Variants in DCLRE1B observed in about 807,000 individuals in gnomAD.
DCLRE1B encodes the protein DNA cross-link repair 1B, also known as 5' exonuclease Apollo.
Under a neutral mutation model 19.8 loss-of-function variants are expected in DCLRE1B, and 6 were observed. That is an observed-to-expected ratio of 0.30 (90% CI 0.17 to 0.60). DCLRE1B has a LOEUF of 0.60. DCLRE1B is among the 20% of genes least tolerant of loss of function. The pLI, the probability that DCLRE1B is intolerant of heterozygous loss-of-function variation, is 0.87. For missense variants in DCLRE1B, 622 were observed against 654.2 expected, an observed-to-expected ratio of 0.95 and a Z score of 0.54; for synonymous variants, 258 against 255.7, an observed-to-expected ratio of 1.01 and a Z score of -0.09.
chr1:113,908,771 A>G (rs1438306886), intron 3 of DCLRE1B, among the ~76,000 whole-genome samples: 14 of 151,876 alleles, frequency 9.2e-5, no homozygotes, highest in Admixed American at 8.5e-4. Context: ...GTTGTCTATC[A>G]TGCACTTCCT....
At chr1:113,907,951 G>T in intron 2 of DCLRE1B, 58 bp from the exon 3 acceptor site, 4 of 1,551,752 alleles carry the variant, frequency 2.6e-6, no homozygotes, top group Non-Finnish European at 2.6e-6. Context: ...AGGTAGGAGA[G>T]GCTTGTCTTC....
chr1:113,906,064 T>G (rs903273571), intron 1 of DCLRE1B, among the ~76,000 whole-genome samples: 2 of 140,272 alleles, frequency 1.4e-5, no homozygotes, highest in African/African-American at 5.4e-5. Flanking sequence ...TTTTTTTTTT[T>G]TTTTTTTTTT....
Position 113,912,252 on chromosome 1 carries a change from G to T in DCLRE1B, c.*61G>T. 1 of 1,483,854 alleles carries T rather than the reference G, an allele frequency of 6.7e-7. No homozygotes were observed. Among genetic ancestry groups the T allele is most frequent in the East Asian group, 2.3e-5 (1 of 44,038 alleles). 91.9% of individuals were successfully genotyped at this position (1,483,854 alleles called of 1,614,324 possible). On this transcript the variant is annotated 3_prime_UTR_variant, in exon 4 of 4. Transcript: ENST00000650450. ...CACTGCAGTTTTGAAGATAGTAACT[G>T]ATGGCTGGTGGGAAAGAGTTTGTTT...
chr1:113,912,003 G>A lies in DCLRE1B; in HGVS notation c.1411G>A (p.Gly471Arg). Reference sequence around the variant, plus strand: ...TGATGATGGAGGTCCAGAAGCCACAGGGAATCAGAGTGCCTGGATGGGCCA... The same window carrying A: ...TGATGATGGAGGTCCAGAAGCCACAAGGAATCAGAGTGCCTGGATGGGCCA... ...GDDDGGPEAT[G>R]NQSAWMGHGS... The change falls in exon 4 of 4, where the codon GGG becomes AGG. Residue 471 changes from glycine to arginine, a missense_variant. Gly to Arg is a moderately radical substitution (Grantham distance 125, BLOSUM62 -2). This residue lies in a region of DCLRE1B where 382 missense variants were observed against 412.5 expected (regional missense o/e 0.93). Transcript: ENST00000650450. 4 of 1,614,216 alleles carry A rather than the reference G, an allele frequency of 2.5e-6. No homozygotes were observed. The highest frequency in any genetic ancestry group is 3.4e-6 in the Non-Finnish European group (4 of 1,180,038).
chr1:113,905,581 A>G lies in DCLRE1B; in HGVS notation c.-6A>G. On this transcript the variant is annotated 5_prime_UTR_variant, in exon 1 of 4. Coordinates refer to ENST00000650450, the MANE Select transcript of DCLRE1B (RefSeq NM_022836.4). The stretch of plus-strand genomic sequence containing the variant: ...AGATCCCACTGGTGACTCCAACCCT[A>G]CCACCATGAATGGGGTCCTGATCCC... 6 of 1,613,770 alleles carry G rather than the reference A, an allele frequency of 3.7e-6. No individual in the cohort carries two copies. Among genetic ancestry groups the G allele is most frequent in the Non-Finnish European group, 5.1e-6 (6 of 1,179,906 alleles).
chr1:113,905,362 G>A lies in DCLRE1B; in HGVS notation c.-225G>A. On this transcript the variant is annotated 5_prime_UTR_variant, in exon 1 of 4. Transcript: ENST00000650450. The stretch of plus-strand genomic sequence containing the variant: ...CCGGCTCGGCCTCCGCTCCCGCGCG[G>A]TTGGGAGTGTCCAGCGCCCTCCGCG... The A allele has an allele frequency of 1.8e-6, 1 of 549,264 alleles. No homozygotes were observed. The highest frequency in any genetic ancestry group is 3.2e-6 in the Non-Finnish European group (1 of 316,822). 34.0% of individuals were successfully genotyped at this position (549,264 alleles called of 1,614,324 possible). A position where few individuals can be genotyped will look rare whatever the true frequency, so the allele number is the denominator to read the frequency against.
rs116769142 is a variant in DCLRE1B, at chr1:113,906,864, C to T, written c.190-132C>T. 1.4e-3 allele frequency: 1,341 copies of T among 929,358 alleles called. 19 individuals are homozygous for T. The African/African-American group carries it at 0.021, about 14-fold the overall frequency. 57.6% of individuals were successfully genotyped at this position (929,358 alleles called of 1,614,324 possible). A position where few individuals can be genotyped will look rare whatever the true frequency, so the allele number is the denominator to read the frequency against. ...AGGAAGGGCAGATTGCTTGGGAATC[C>T]CCATTACAGCTTCTGCTCCCGGTGG... is the stretch of plus-strand genomic sequence containing the variant. On this transcript the variant is annotated intron_variant, in intron 1 of 3. Transcript: ENST00000650450.
chr1:113,907,022 G>T lies in DCLRE1B; in HGVS notation c.216G>T (p.Leu72=), dbSNP rs1346734869. Reference sequence around the variant, plus strand: ...TATCTAAGCAATGGATCCAAGCCCTGGAGGTTGGTGAGAGCCATGTATTAC... The same window carrying T: ...TATCTAAGCAATGGATCCAAGCCCTTGAGGTTGGTGAGAGCCATGTATTAC... ...LQVSKQWIQA[L]EVGESHVLPL... is the part of the protein sequence containing the mutation. The change falls in exon 2 of 4, where the codon CTG becomes CTT. Residue 72 remains leucine (L), a synonymous_variant. Transcript: ENST00000650450. 1 of 1,614,002 alleles carries T rather than the reference G, an allele frequency of 6.2e-7. No individual in the cohort carries two copies. The highest frequency in any genetic ancestry group is 8.5e-7 in the Non-Finnish European group (1 of 1,179,996).
In DCLRE1B at chr1:113,911,119, A is replaced by C; in HGVS notation, c.539-12A>C. 1 of 1,599,262 alleles carries C rather than the reference A, an allele frequency of 6.3e-7. No individual in the cohort carries two copies. Among genetic ancestry groups the C allele is most frequent in the South Asian group, 1.1e-5 (1 of 89,324 alleles). ...TTCTCTTACTTTCCCCAATACATTG[A>C]ACATTATTTAGGACTCTACAGCCTG... On this transcript the variant is annotated splice_polypyrimidine_tract_variant and intron_variant, in intron 3 of 3. Coordinates refer to ENST00000650450, the MANE Select transcript of DCLRE1B (RefSeq NM_022836.4).
rs543400425 is a variant in DCLRE1B at position 113,913,798 on chromosome 1, GATTA to G, written c.*1611_*1614del. ...AAACAAAAAATTTTAATTCCTCGTA[GATTA>G]ATTGATTTGCTATCTTTTAGTTTTT... On this transcript the variant is annotated 3_prime_UTR_variant, in exon 4 of 4. Transcript: ENST00000650450. 2 of 152,188 alleles carry G rather than the reference GATTA, an allele frequency of 1.3e-5. No homozygotes were observed. Among genetic ancestry groups the G allele is most frequent in the African/African-American group, 4.8e-5 (2 of 41,526 alleles). 9.4% of individuals were successfully genotyped at this position (152,188 alleles called of 1,614,324 possible).
Position 113,907,122 on chromosome 1 carries a change from T to A in DCLRE1B, c.316T>A (p.Phe106Ile). Residue 106 changes from phenylalanine to isoleucine, a missense_variant, in exon 2 of 4, where the codon TTT becomes ATT. Around this residue, in one of 3 missense-constraint regions of DCLRE1B, gnomAD observed 237 missense variants for 223.8 expected, o/e 1.06. Transcript: ENST00000650450. Reference sequence around the variant, plus strand: ...CAATCACTGTCCTGGTTCTGTCATGTTTCTCTTTGAAGGATATTTTGGAAC... The same window carrying A: ...CAATCACTGTCCTGGTTCTGTCATGATTCTCTTTGAAGGATATTTTGGAAC... ...DANHCPGSVM[F>I]LFEGYFGTIL... is the part of the protein sequence containing the mutation. 1 of 1,613,734 alleles carries A rather than the reference T, an allele frequency of 6.2e-7. No individual in the cohort carries two copies. Among genetic ancestry groups the A allele is most frequent in the Non-Finnish European group, 8.5e-7 (1 of 1,179,954 alleles).
At chr1:113,905,052 G>C (rs966800143), upstream of DCLRE1B, 1 of 397,176 alleles carries the variant, frequency 2.5e-6, no homozygotes. Flanking sequence ...TCCCTCTCCA[G>C]TTCCAGCCTT....
At position 113,911,829 on chromosome 1, in the gene DCLRE1B, G is replaced by A; in HGVS notation, c.1237G>A (p.Val413Met). The A allele has an allele frequency of 6.2e-7, 1 of 1,614,260 alleles. No homozygotes were observed. The highest frequency in any genetic ancestry group is 8.5e-7 in the Non-Finnish European group (1 of 1,180,052). The change falls in exon 4 of 4, where the codon GTG becomes ATG. Residue 413 changes from valine to methionine, a missense_variant. This residue lies in a region of DCLRE1B where 382 missense variants were observed against 412.5 expected (regional missense o/e 0.93). Transcript: ENST00000650450. ...DLYSKEWNKA[V>M]PFCESQKRVT... is the part of the protein sequence containing the mutation. ...CTATAGCAAAGAATGGAACAAGGCA[G>A]TGCCTTTCTGTGAGTCTCAAAAGAG...
At chr1:113,908,299 T>C in intron 3 of DCLRE1B, 108 bp downstream of exon 3, 2 of 1,415,836 alleles carry the variant, frequency 1.4e-6, no homozygotes, top group Non-Finnish European at 1.9e-6. Flanking sequence ...TCTCCTACAC[T>C]GACCACCTTA....
rs1264720007 is a variant in DCLRE1B at position 113,905,782 on chromosome 1, G to C, written c.189+7G>C. ...CTTGCATCGTCACCTACAGGTATGGGGCTGGAGTCGGTCTCCGAGAGCTGG... is the reference window on the plus strand; with the variant it reads ...CTTGCATCGTCACCTACAGGTATGGCGCTGGAGTCGGTCTCCGAGAGCTGG... On this transcript the variant is annotated splice_region_variant and intron_variant, in intron 1 of 3. Transcript: ENST00000650450. The C allele has an allele frequency of 1.2e-6, 2 of 1,604,444 alleles. No individual in the cohort carries two copies. Among genetic ancestry groups the C allele is most frequent in the African/African-American group, 2.7e-5 (2 of 74,604 alleles).
chr1:113,907,041 G>C lies in DCLRE1B; in HGVS notation c.235G>C (p.Val79Leu). 7 of 1,613,966 alleles carry C rather than the reference G, an allele frequency of 4.3e-6. No homozygotes were observed. Among genetic ancestry groups the C allele is most frequent in the Non-Finnish European group, 5.9e-6 (7 of 1,179,996 alleles). ...IQALEVGESH[V>L]LPLDEIGQET... ...AGCCCTGGAGGTTGGTGAGAGCCAT[G>C]TATTACCCCTAGATGAAATTGGACA... is the stretch of plus-strand genomic sequence containing the variant. Residue 79 changes from valine to leucine, a missense_variant, in exon 2 of 4, where the codon GTA becomes CTA. This residue lies in a region of DCLRE1B where 237 missense variants were observed against 223.8 expected (regional missense o/e 1.06). Coordinates refer to ENST00000650450, the MANE Select transcript of DCLRE1B (RefSeq NM_022836.4).
At chr1:113,909,246 A>AT (rs1325588406) in intron 3 of DCLRE1B, among the ~76,000 whole-genome samples, 2 of 152,238 alleles carry the variant, frequency 1.3e-5, no homozygotes, top group African/African-American at 4.8e-5. Context: ...TGTGCTTTAA[A>AT]TTAAGTATAC....
intron 3 of DCLRE1B, 42 bp from the exon 4 acceptor site, chr1:113,911,089 C>T (rs1669233030): frequency 6.6e-7 from 1 of 1,522,036 alleles, no homozygotes. Context: ...GCTTAATTTT[C>T]TTCCTTCTCT....
At position 113,911,383 on chromosome 1, in the gene DCLRE1B, C is replaced by T. The variant is rs1464681641; in HGVS notation, c.791C>T (p.Ser264Phe). 6.2e-7 allele frequency: 1 copy of T among 1,614,192 alleles called. No homozygotes were observed. The highest frequency in any genetic ancestry group is 1.1e-5 in the South Asian group (1 of 91,076). Residue 264 changes from serine (S) to phenylalanine (F), a missense_variant, in exon 4 of 4, where the codon TCC becomes TTC. By Grantham distance (155) the Ser-to-Phe change is radical (BLOSUM62 -2). This residue lies in a region of DCLRE1B where 382 missense variants were observed against 412.5 expected (regional missense o/e 0.93). Transcript: ENST00000650450. ...ILPTSRKIHS[S>F]HPDIHVIPYS... ...CCCACAAGCCGAAAAATCCACAGCT[C>T]CCACCCTGATATCCACGTCATCCCT...
Sources: gnomAD v4.1 joint callset for allele counts (sites outside exome capture counted in the v4.1 genomes callset) on GRCh38, gnomAD v4.1.1 for gene constraint, gnomAD v4.1.1 regional missense constraint, MANE v1.5 for transcripts, NCBI Gene and HGNC (gene_info 2026-07-23, HGNC 2026-07-21) for gene names.